The following NUMA1 variants were observed in gnomAD, a reference collection of about 807,000 sequenced individuals.
NUMA1 encodes the protein SP-H antigen.
NUMA1 carries 62 observed loss-of-function variants against 237.1 expected under a neutral mutation model. That is an observed-to-expected ratio of 0.26 (90% CI 0.21 to 0.32). The LOEUF is 0.32. Ranked by LOEUF, NUMA1 falls within the 10% of genes least tolerant of loss-of-function variation. NUMA1 has a pLI of 1.00. For synonymous variants in NUMA1, 1,028 were observed against 1,066.1 expected, an observed-to-expected ratio of 0.96 and a Z score of 0.70; for missense variants, 2,533 against 2,666.5, an observed-to-expected ratio of 0.95 and a Z score of 1.10.
intron 2 of NUMA1, among the ~76,000 whole-genome samples, chr11:72,045,036 T>G (rs1376978184): frequency 6.6e-6 from 1 of 152,116 alleles, no homozygotes; most frequent in Non-Finnish European, 1.5e-5. Context: ...CTCTTGGCAC[T>G]TATGTGTATA....
intron 2 of NUMA1, among the ~76,000 whole-genome samples, chr11:72,056,635 T>TAAAAAAAAAAAAAAAAAAAAAAAAAA (rs59248999): frequency 1.3e-5 from 1 of 76,000 alleles, no homozygotes. Flanking sequence ...CCCATCTCTT[T>TAAAAAAAAAAAAAAAAAAAAAAAAAA]AAAAAAAAAA....
In NUMA1 at chr11:72,006,043, G is replaced by A. The variant is rs1164879993; in HGVS notation, c.5684C>T (p.Ala1895Val). 6.2e-7 allele frequency: 1 copy of A among 1,611,318 alleles called. No homozygotes were observed. The highest frequency in any genetic ancestry group is 8.5e-7 in the Non-Finnish European group (1 of 1,177,936). The change falls in exon 22 of 27, where the codon GCC becomes GTC. Residue 1895 changes from alanine (A) to valine (V), a missense_variant. Coordinates refer to ENST00000393695, the MANE Select transcript of NUMA1 (RefSeq NM_006185.4). The stretch of plus-strand genomic sequence containing the variant: ...CCCTGTAGTCCCCTCACCTGGAGGG[G>A]CCCCACTGGACACCCCGGCCTGGGA... ...RRSQAGVSSG[A>V]PPGRNSFYMG...
At chr11:72,043,093 T>G (rs749020766) in intron 2 of NUMA1, among the ~76,000 whole-genome samples, 67 of 151,972 alleles carry the variant, frequency 4.4e-4, no homozygotes, top group Non-Finnish European at 8.2e-4. Flanking sequence ...GGTAAAGAAC[T>G]GATAGGAGGC....
chr11:72,077,114 T>C (rs1235946584), intron 1 of NUMA1, among the ~76,000 whole-genome samples: 2 of 151,676 alleles, frequency 1.3e-5, no homozygotes, highest in African/African-American at 2.4e-5. Flanking sequence ...AAGATAGAAA[T>C]GGAAATTATG....
At chr11:72,016,882 C>G (rs561461609) in intron 13 of NUMA1, 168 of 212,550 alleles carry the variant, frequency 7.9e-4, no homozygotes, top group African/African-American at 3.5e-3. Flanking sequence ...AGCAATACCA[C>G]TGGCAGCAGC....
rs748521928 is a variant in NUMA1, at chr11:72,015,031, C to T, written c.2472G>A (p.Glu824=). 1.2e-6 allele frequency: 2 copies of T among 1,614,134 alleles called. No homozygotes were observed. The highest frequency in any genetic ancestry group is 8.5e-7 in the Non-Finnish European group (1 of 1,180,044). ...RERYEDSQQE[E]AQYGAMFQEQ... is the part of the protein sequence containing the mutation. Reference sequence around the variant, plus strand: ...CCTGGAACATGGCGCCATACTGTGCCTCCTCTTGCTGGCTATCCTCATACC... The same window carrying T: ...CCTGGAACATGGCGCCATACTGTGCTTCCTCTTGCTGGCTATCCTCATACC... The change falls in exon 15 of 27, where the codon GAG becomes GAA. Residue 824 remains glutamate, a synonymous_variant. Transcript: ENST00000393695. This position sits in a 1 kb window ranked among gnomAD's most constrained non-coding sequence, Gnocchi z 4.0.
chr11:72,057,517 G>T (rs954200158), intron 2 of NUMA1, among the ~76,000 whole-genome samples: 2 of 152,178 alleles, frequency 1.3e-5, no homozygotes, highest in Admixed American at 1.3e-4. Flanking sequence ...GCTGAGGCAG[G>T]TGGATCACTT....
At chr11:72,074,036 C>CA (rs1160659376) in intron 1 of NUMA1, among the ~76,000 whole-genome samples, 3 of 151,368 alleles carry the variant, frequency 2.0e-5, no homozygotes, top group East Asian at 1.9e-4. Flanking sequence ...ACTAAAAATA[C>CA]AAAAAAAATT....
intron 16 of NUMA1, among the ~76,000 whole-genome samples, chr11:72,011,459 G>C (rs1353959352): frequency 1.3e-5 from 2 of 152,220 alleles, no homozygotes; most frequent in Non-Finnish European, 2.9e-5. Flanking sequence ...GAAGAGCACA[G>C]GGAGTAGGGG....
At chr11:72,069,269 C>T (rs1310767711) in intron 2 of NUMA1, among the ~76,000 whole-genome samples, 1 of 152,076 alleles carries the variant, frequency 6.6e-6, no homozygotes, top group African/African-American at 2.4e-5. Flanking sequence ...CCTAACTGTC[C>T]CTTTTTACAT....
chr11:72,029,276 G>A lies in NUMA1; in HGVS notation c.57C>T (p.His19=), dbSNP rs770035669. Residue 19 remains histidine (H), a synonymous_variant, in exon 4 of 27, where the codon CAC becomes CAT. Transcript: ENST00000393695. ...GCACAGCCTCCACAGGGTCAGCCAC[G>A]TGTAGACTGTTCACCTGTAAATCAA... ...AALLSWVNSL[H]VADPVEAVLQ... The A allele has an allele frequency of 8.1e-6, 13 of 1,607,532 alleles. No individual in the cohort carries two copies. Among genetic ancestry groups the A allele is most frequent in the African/African-American group, 4.0e-5 (3 of 74,894 alleles).
chr11:72,021,070 A>G, intron 8 of NUMA1, 134 bp downstream of exon 8: 2 of 713,770 alleles, frequency 2.8e-6, no homozygotes, highest in Non-Finnish European at 5.0e-6. Context: ...ACTCCATTAC[A>G]CACACTTTTC....
In NUMA1 at chr11:72,009,038, C is replaced by T. The variant is rs1955954095; in HGVS notation, c.4987G>A (p.Gly1663Arg). 1.2e-6 allele frequency: 2 copies of T among 1,613,810 alleles called. No individual in the cohort carries two copies. The highest frequency in any genetic ancestry group is 1.6e-4 in the Middle Eastern group (1 of 6,062). ...TGTTCAGCCTCCTTGGTCTTCAGCCCAGCCTGCTGTAGCTCATGGCCCAGC... is the reference window on the plus strand; with the variant it reads ...TGTTCAGCCTCCTTGGTCTTCAGCCTAGCCTGCTGTAGCTCATGGCCCAGC... ...ERLGHELQQA[G>R]LKTKEAEQTC... Residue 1663 changes from glycine to arginine, a missense_variant, in exon 19 of 27, where the codon GGG becomes AGG. Transcript: ENST00000393695.
chr11:72,014,493 T>C lies in NUMA1; in HGVS notation c.3010A>G (p.Arg1004Gly). Residue 1004 changes from arginine to glycine, a missense_variant, in exon 15 of 27, where the codon AGG (arginine) becomes GGG (glycine). Around this residue, in one of 3 missense-constraint regions of NUMA1, gnomAD observed 1,414 missense variants for 1,508.1 expected, o/e 0.94. Coordinates refer to ENST00000393695, the MANE Select transcript of NUMA1 (RefSeq NM_006185.4). This position sits in a 1 kb window ranked among gnomAD's most constrained non-coding sequence, Gnocchi z 4.6. ...QQQEERGQQE[R>G]EVARLTQERG... ...TCCTGGGTCAGCCGCGCCACCTCCCTTTCCTGCTGCCCACGCTCCTCCTGC... is the reference window on the plus strand; with the variant it reads ...TCCTGGGTCAGCCGCGCCACCTCCCCTTCCTGCTGCCCACGCTCCTCCTGC... 6.2e-7 allele frequency: 1 copy of C among 1,602,128 alleles called. No individual in the cohort carries two copies. The highest frequency in any genetic ancestry group is 8.5e-7 in the Non-Finnish European group (1 of 1,179,926).
intron 4 of NUMA1, among the ~76,000 whole-genome samples, chr11:72,025,243 G>A (rs1939416602): frequency 6.6e-6 from 1 of 152,160 alleles, no homozygotes; most frequent in South Asian, 2.1e-4. Flanking sequence ...AACTGGAAGA[G>A]CGGGCAGTGT....
intron 1 of NUMA1, among the ~76,000 whole-genome samples, chr11:72,070,869 T>C (rs747922061): frequency 2.6e-5 from 4 of 152,384 alleles, no homozygotes; most frequent in Admixed American, 2.6e-4. Flanking sequence ...AATATTTATG[T>C]AGTGTCTCAC....
At chr11:72,016,992 T>G (rs1937902527) in intron 13 of NUMA1, 1 of 70,222 alleles carries the variant, frequency 1.4e-5, no homozygotes, top group Non-Finnish European at 3.5e-5. Context: ...TTTTTTTTTT[T>G]TTTTTTTTGA....
At chr11:72,020,774 A>G (rs7949989) in intron 8 of NUMA1, 151,911 of 153,586 alleles carry the variant, frequency 0.99, 75,173 homozygotes, top group Middle Eastern at 1. Context: ...TCGGGAGGCT[A>G]AGCAGGAGAA....
rs1956456503 is a variant in NUMA1, at chr11:72,015,408, G to T, written c.2095C>A (p.Gln699Lys). Residue 699 changes from glutamine to lysine, a missense_variant, in exon 15 of 27, where the codon CAG becomes AAG. Physicochemically the swap from Gln to Lys is moderately conservative, Grantham distance 53 (BLOSUM62 1). Around this residue, in one of 3 missense-constraint regions of NUMA1, gnomAD observed 1,414 missense variants for 1,508.1 expected, o/e 0.94. Coordinates refer to ENST00000393695, the MANE Select transcript of NUMA1 (RefSeq NM_006185.4). The surrounding 1 kb of genome is among the most constrained non-coding windows in gnomAD (Gnocchi z 4.0). ...EKERVAQEKD[Q>K]LQEQLQALKE... ...AGGGCCTGGAGCTGCTCCTGGAGCT[G>T]GTCCTTCTCCTGGGCCACCCTTTCT... 1 of 1,611,834 alleles carries T rather than the reference G, an allele frequency of 6.2e-7. No homozygotes were observed. The highest frequency in any genetic ancestry group is 1.3e-5 in the African/African-American group (1 of 74,928).
Sources: allele counts gnomAD v4.1 joint callset (sites outside exome capture counted in the v4.1 genomes callset), GRCh38; gene constraint gnomAD v4.1.1; regional missense constraint gnomAD v4.1.1; non-coding constraint Gnocchi (gnomAD v3.1); transcripts MANE v1.5; gene names NCBI Gene and HGNC (gene_info 2026-07-23, HGNC 2026-07-21).